RAB10: variants seen among roughly 807,000 people sequenced by gnomAD.
RAB10 encodes the protein RAB10, member RAS oncogene family.
In RAB10, 5 loss-of-function variants were observed where a neutral mutation model predicts 25.7. That is an observed-to-expected ratio of 0.19 (90% confidence interval 0.10 to 0.41). The LOEUF (loss-of-function observed/expected upper bound fraction) is 0.41, where lower values mean the gene tolerates loss of function less well. RAB10 is among the 10% of genes least tolerant of loss of function. The pLI is 1.00. For synonymous variants in RAB10, 89 were observed against 86.4 expected, an observed-to-expected ratio of 1.03 and a Z score of -0.16; for missense variants, 103 against 245.8, an observed-to-expected ratio of 0.42 and a Z score of 3.89.
intron 1 of RAB10, among the ~76,000 whole-genome samples, chr2:26,072,241 A>T (rs1301017094): frequency 6.6e-6 from 1 of 152,072 alleles, no homozygotes; most frequent in East Asian, 1.9e-4. Context: ...ACATGGTGAA[A>T]CTGGTCTCTA....
intron 3 of RAB10, among the ~76,000 whole-genome samples, chr2:26,113,857 C>G (rs1394805759): frequency 1.3e-5 from 2 of 151,464 alleles, no homozygotes; most frequent in African/African-American, 4.8e-5. Flanking sequence ...AACATATACC[C>G]AGAAAACTCT....
intron 1 of RAB10, among the ~76,000 whole-genome samples, chr2:26,064,632 C>T (rs923792765): frequency 4.6e-5 from 7 of 152,090 alleles, no homozygotes; most frequent in Admixed American, 4.6e-4. Context: ...GTGCTGGGAG[C>T]CACTGTGCAC....
intron 1 of RAB10, among the ~76,000 whole-genome samples, chr2:26,075,576 C>T (rs554860096): frequency 1.3e-5 from 2 of 152,046 alleles, no homozygotes; most frequent in South Asian, 4.1e-4. Flanking sequence ...AAAACCTGAA[C>T]TGAAAGCTAG....
rs544998349 is a variant in RAB10 at position 26,047,977 on chromosome 2, C to CGGCCTT, written c.127+13248_127+13253dup. Among the ~76,000 whole-genome samples, 813 of 151,156 alleles carry CGGCCTT rather than the reference C, an allele frequency of 5.4e-3. 7 individuals carry two copies. The highest frequency in any genetic ancestry group is 0.018 in the African/African-American group (760 of 41,196). On this transcript the variant is annotated intron_variant, in intron 1 of 5. Transcript: ENST00000264710. ...CTGACCTCAGGTGATCTGCCGGCCT[C>CGGCCTT]GGCCTTGGCCTCCCAAAGTGTTGGG...
At chr2:26,044,896 C>T (rs1665964831) in intron 1 of RAB10, among the ~76,000 whole-genome samples, 1 of 151,918 alleles carries the variant, frequency 6.6e-6, no homozygotes, top group Admixed American at 6.6e-5. Flanking sequence ...CCACATTGCT[C>T]ATTCTGAGAA....
At chr2:26,090,939 C>T (rs1036208411) in intron 1 of RAB10, among the ~76,000 whole-genome samples, 22 of 63,548 alleles carry the variant, frequency 3.5e-4, no homozygotes, top group Non-Finnish European at 4.5e-4. Context: ...GTCTCCCCCC[C>T]CAAAAAAAAA....
At chr2:26,083,234 A>G (rs2149274412) in intron 1 of RAB10, among the ~76,000 whole-genome samples, 1 of 152,342 alleles carries the variant, frequency 6.6e-6, no homozygotes, top group East Asian at 1.9e-4. Flanking sequence ...CTTTATTTAG[A>G]CTGTGTTGTT....
intron 1 of RAB10, among the ~76,000 whole-genome samples, chr2:26,053,199 G>A (rs1666172180): frequency 6.6e-6 from 1 of 152,124 alleles, no homozygotes; most frequent in Non-Finnish European, 1.5e-5. Flanking sequence ...AGTAGAGTTG[G>A]GGTGAATGAT....
At chr2:26,065,571 T>C (rs542060256) in intron 1 of RAB10, among the ~76,000 whole-genome samples, 16 of 152,238 alleles carry the variant, frequency 1.1e-4, no homozygotes, top group Non-Finnish European at 2.1e-4. Flanking sequence ...AAATATTTAA[T>C]GATTTTAAAA....
chr2:26,104,898 C>T (rs1262837627), intron 2 of RAB10, among the ~76,000 whole-genome samples: 6 of 152,026 alleles, frequency 3.9e-5, no homozygotes, highest in South Asian at 4.2e-4. Context: ...CCACCACGCC[C>T]GGCTAATTTT....
Position 26,034,495 on chromosome 2 carries a change from T to C in RAB10, c.-114T>C. On this transcript the variant is annotated 5_prime_UTR_variant, in exon 1 of 6. Coordinates refer to ENST00000264710, the MANE Select transcript of RAB10 (RefSeq NM_016131.5). ...TCGCCCGCGCCGTCTCGAGCCTTTT[T>C]CCCACGCTTCCCCGGTCCTCCGGCC... is the stretch of plus-strand genomic sequence containing the variant. 1 of 1,442,268 alleles carries C rather than the reference T, an allele frequency of 6.9e-7. No individual in the cohort carries two copies. 89.3% of individuals were successfully genotyped at this position (1,442,268 alleles called of 1,614,324 possible).
At chr2:26,068,052 T>A (rs1175188361) in intron 1 of RAB10, among the ~76,000 whole-genome samples, 1 of 152,164 alleles carries the variant, frequency 6.6e-6, no homozygotes, top group Non-Finnish European at 1.5e-5. Flanking sequence ...TTAATCTATT[T>A]CAGAGGATGG....
intron 1 of RAB10, among the ~76,000 whole-genome samples, chr2:26,067,910 G>A (rs1300033115): frequency 6.6e-6 from 1 of 152,206 alleles, no homozygotes; most frequent in Non-Finnish European, 1.5e-5. Flanking sequence ...AAGACTTGAG[G>A]TCAAACAGAC....
chr2:26,072,038 A>G (rs1307850197), intron 1 of RAB10, among the ~76,000 whole-genome samples: 2 of 148,454 alleles, frequency 1.3e-5, no homozygotes, highest in African/African-American at 5.0e-5. Context: ...ATGAACTATT[A>G]ATTTCCAAAT....
At position 26,121,536 on chromosome 2, in the gene RAB10, C is replaced by G. The variant is rs571808676; in HGVS notation, c.328-5608C>G. ...TTTTGGAAAAAATGTTAGAGACTTGCAACAACTTGAAAAACTCACAGACAA... is the reference window on the plus strand; with the variant it reads ...TTTTGGAAAAAATGTTAGAGACTTGGAACAACTTGAAAAACTCACAGACAA... On this transcript the variant is annotated intron_variant, in intron 3 of 5. Coordinates refer to ENST00000264710, the MANE Select transcript of RAB10 (RefSeq NM_016131.5). Among the ~76,000 whole-genome samples, 67 of 152,058 alleles carry G rather than the reference C, an allele frequency of 4.4e-4. 2 individuals carry two copies. In the South Asian group the frequency reaches 0.013, roughly 29 times the overall value.
At chr2:26,085,211 G>A (rs544313868) in intron 1 of RAB10, among the ~76,000 whole-genome samples, 33 of 152,238 alleles carry the variant, frequency 2.2e-4, no homozygotes, top group African/African-American at 7.0e-4. Flanking sequence ...ACAACAGGCC[G>A]GGGGCAGTGA....
At chr2:26,134,835 G>C in intron 5 of RAB10, 103 bp from the exon 6 acceptor site, 1 of 840,992 alleles carries the variant, frequency 1.2e-6, no homozygotes, top group Non-Finnish European at 1.8e-6. Context: ...GATTGTAGTT[G>C]TATTTTGTTG....
At chr2:26,050,851 C>T (rs949395517) in intron 1 of RAB10, among the ~76,000 whole-genome samples, 1 of 152,036 alleles carries the variant, frequency 6.6e-6, no homozygotes. Flanking sequence ...AAGTGATTGT[C>T]CCACTTCAGC....
intron 1 of RAB10, among the ~76,000 whole-genome samples, chr2:26,053,019 A>T (rs932571173): frequency 4.6e-5 from 7 of 152,146 alleles, no homozygotes; most frequent in Non-Finnish European, 8.8e-5. Flanking sequence ...TACAGTTGCA[A>T]TGTCTATTCA....
Sources: gnomAD v4.1 joint callset for allele counts (sites outside exome capture counted in the v4.1 genomes callset) on GRCh38, gnomAD v4.1.1 for gene constraint, MANE v1.5 for transcripts, NCBI Gene and HGNC (gene_info 2026-07-23, HGNC 2026-07-21) for gene names.